Variants in SLC24A2 observed in about 807,000 individuals in gnomAD.
SLC24A2 encodes sodium/potassium/calcium exchanger 2.
SLC24A2 carries 36 observed loss-of-function variants against 62.0 expected under a neutral mutation model. The ratio of observed to expected loss-of-function variants is 0.58; its 90% CI spans 0.44 to 0.77. The LOEUF (loss-of-function observed/expected upper bound fraction) is 0.77, where lower values mean the gene tolerates loss of function less well. SLC24A2 is among the 30% of genes least tolerant of loss of function. The probability of loss-of-function intolerance (pLI) is 0.00; values close to 1 mark genes in which losing one functional copy is unlikely to be tolerated. For missense variants in SLC24A2, 846 were observed against 817.9 expected, an observed-to-expected ratio of 1.03 and a Z score of -0.42; for synonymous variants, 358 against 294.0, an observed-to-expected ratio of 1.22 and a Z score of -2.23.
At chr9:20,264,874 T>C in the SLC24A2 span, among the ~76,000 whole-genome samples, 33 of 152,316 alleles carry the variant, frequency 2.2e-4, no homozygotes, top group Non-Finnish European at 4.6e-4. Flanking sequence ...GGTCTATCAG[T>C]TCTAAAATGT....
the SLC24A2 span, among the ~76,000 whole-genome samples, chr9:20,007,960 A>T: frequency 8.3e-6 from 1 of 119,842 alleles, no homozygotes; most frequent in Non-Finnish European, 1.6e-5. Context: ...AAGTGGCATG[A>T]TCTCGGTTCA....
the SLC24A2 span, among the ~76,000 whole-genome samples, chr9:19,950,505 T>A: frequency 6.6e-6 from 1 of 152,068 alleles, no homozygotes; most frequent in African/African-American, 2.4e-5. Flanking sequence ...GGGTGAAGAT[T>A]TGGAGAAGGG....
intron 2 of SLC24A2, among the ~76,000 whole-genome samples, chr9:19,661,792 G>A (rs1427515206): frequency 6.6e-6 from 1 of 152,144 alleles, no homozygotes; most frequent in Non-Finnish European, 1.5e-5. Flanking sequence ...ATTTTCCATC[G>A]TTGCTGCCAA....
At chr9:20,092,553 G>A in the SLC24A2 span, among the ~76,000 whole-genome samples, 8 of 152,042 alleles carry the variant, frequency 5.3e-5, no homozygotes, top group Non-Finnish European at 8.8e-5. Context: ...GTTCATAAAG[G>A]TTTTAGACAA....
At chr9:20,302,277 A>AT in the SLC24A2 span, among the ~76,000 whole-genome samples, 1 of 152,288 alleles carries the variant, frequency 6.6e-6, no homozygotes, top group East Asian at 1.9e-4. Context: ...TGGTAAGCAT[A>AT]TTTTTAGTTT....
At chr9:19,899,762 T>A in the SLC24A2 span, among the ~76,000 whole-genome samples, 2 of 152,144 alleles carry the variant, frequency 1.3e-5, no homozygotes, top group Non-Finnish European at 2.9e-5. Context: ...AAAGTAAACA[T>A]GTCCTTCTTC....
At chr9:20,267,930 C>T in the SLC24A2 span, among the ~76,000 whole-genome samples, 1 of 152,106 alleles carries the variant, frequency 6.6e-6, no homozygotes, top group Non-Finnish European at 1.5e-5. Flanking sequence ...GGGCCCTCAA[C>T]CCTCTCTCAA....
At chr9:20,263,550 GAGA>G in the SLC24A2 span, among the ~76,000 whole-genome samples, 3 of 152,152 alleles carry the variant, frequency 2.0e-5, no homozygotes, top group South Asian at 2.1e-4. Flanking sequence ...GCATCCATCA[GAGA>G]AGGATTCTTC....
the SLC24A2 span, among the ~76,000 whole-genome samples, chr9:20,118,368 C>A: frequency 2.6e-5 from 4 of 151,980 alleles, no homozygotes; most frequent in African/African-American, 9.7e-5. Flanking sequence ...AAGTTTAATT[C>A]TGCTGAAATT....
At chr9:19,699,416 A>C (rs1820291622) in intron 2 of SLC24A2, among the ~76,000 whole-genome samples, 1 of 152,198 alleles carries the variant, frequency 6.6e-6, no homozygotes, top group African/African-American at 2.4e-5. Flanking sequence ...CCAAAGTTGC[A>C]GCATTATGTA....
chr9:19,790,496 C>T (rs1823302820), upstream of SLC24A2, among the ~76,000 whole-genome samples: 1 of 142,216 alleles, frequency 7.0e-6, no homozygotes, highest in Non-Finnish European at 1.5e-5. Flanking sequence ...TTCAAATAGG[C>T]TGTCACTGAC....
chr9:19,787,124 TG>T (rs1823199136), intron 1 of SLC24A2, 105 bp from the exon 2 acceptor site: 2 of 572,234 alleles, frequency 3.5e-6, no homozygotes. Flanking sequence ...TGTGCGATCT[TG>T]GGTAAGTTAC....
the SLC24A2 span, among the ~76,000 whole-genome samples, chr9:20,046,679 G>A: frequency 6.6e-6 from 1 of 152,166 alleles, no homozygotes; most frequent in African/African-American, 2.4e-5. Context: ...AAAACAGTTT[G>A]CAACCTAAGA....
At chr9:20,241,142 A>G in the SLC24A2 span, among the ~76,000 whole-genome samples, 1 of 152,212 alleles carries the variant, frequency 6.6e-6, no homozygotes, top group African/African-American at 2.4e-5. Flanking sequence ...AGAATCTATC[A>G]ACACCTGCAA....
chr9:19,596,353 G>T (rs918319080), intron 5 of SLC24A2, among the ~76,000 whole-genome samples: 1 of 152,082 alleles, frequency 6.6e-6, no homozygotes, highest in Non-Finnish European at 1.5e-5. Flanking sequence ...CCATGTAAAA[G>T]TCATGTAAAA....
the SLC24A2 span, among the ~76,000 whole-genome samples, chr9:19,903,458 G>C: frequency 6.6e-6 from 1 of 152,070 alleles, no homozygotes; most frequent in Admixed American, 6.5e-5. Context: ...ACCACATTGG[G>C]GATTAAGGCT....
At chr9:19,586,588 C>T (rs2132875371) in intron 5 of SLC24A2, among the ~76,000 whole-genome samples, 1 of 152,060 alleles carries the variant, frequency 6.6e-6, no homozygotes, top group South Asian at 2.1e-4. Flanking sequence ...TTAATACCCC[C>T]TCCCTTTTTT....
chr9:20,106,738 T>C, the SLC24A2 span, among the ~76,000 whole-genome samples: 5 of 152,242 alleles, frequency 3.3e-5, no homozygotes, highest in South Asian at 1.0e-3. Context: ...CCACAGCCAA[T>C]ACCATACTGA....
At chr9:20,032,561 A>G in the SLC24A2 span, among the ~76,000 whole-genome samples, 1 of 152,200 alleles carries the variant, frequency 6.6e-6, no homozygotes, top group African/African-American at 2.4e-5. Flanking sequence ...TGTTCTCTGC[A>G]GACTGTAGAT....
Sources: allele counts gnomAD v4.1 joint callset (sites outside exome capture counted in the v4.1 genomes callset), GRCh38; gene constraint gnomAD v4.1.1; transcripts MANE v1.5; gene names NCBI Gene and HGNC (gene_info 2026-07-23, HGNC 2026-07-21).